TMEM132C: variants seen among roughly 807,000 people sequenced by gnomAD.
TMEM132C encodes the protein protein phosphatase 1, regulatory subunit 152.
In TMEM132C, 29 loss-of-function variants were observed where a neutral mutation model predicts 61.4. That is an observed-to-expected ratio of 0.47 (90% CI 0.35 to 0.64). TMEM132C has a LOEUF of 0.64. TMEM132C is among the 30% of genes least tolerant of loss of function. The probability of loss-of-function intolerance (pLI) is 0.00; values close to 1 mark genes in which losing one functional copy is unlikely to be tolerated. For synonymous variants in TMEM132C, 656 were observed against 633.1 expected (o/e 1.04, Z -0.54); for missense variants, 1,408 against 1,476.9 (o/e 0.95, Z 0.76).
chr12:128,313,294 A>T (rs1308813451), intron 1 of TMEM132C, among the ~76,000 whole-genome samples: 2 of 152,214 alleles, frequency 1.3e-5, no homozygotes, highest in Non-Finnish European at 2.9e-5. Context: ...GCTCATAAAG[A>T]GAGTTCCCAG....
At chr12:128,277,517 AG>A (rs1870733049) in intron 1 of TMEM132C, among the ~76,000 whole-genome samples, 1 of 152,232 alleles carries the variant, frequency 6.6e-6, no homozygotes, top group South Asian at 2.1e-4. Flanking sequence ...TGCGGACTTA[AG>A]GGAATGGGGT....
intron 2 of TMEM132C, among the ~76,000 whole-genome samples, chr12:128,463,776 C>A (rs576319538): frequency 6.6e-6 from 1 of 152,232 alleles, no homozygotes; most frequent in East Asian, 1.9e-4. Flanking sequence ...TTCTGTGCCC[C>A]ATTTGTGTGC....
intron 2 of TMEM132C, among the ~76,000 whole-genome samples, chr12:128,467,290 G>A (rs755748032): frequency 1.3e-5 from 2 of 152,142 alleles, no homozygotes; most frequent in Non-Finnish European, 2.9e-5. Flanking sequence ...TGGGAGAATG[G>A]CAGCTGCCAG....
chr12:128,360,373 T>C (rs1873664586), intron 1 of TMEM132C, among the ~76,000 whole-genome samples: 1 of 152,150 alleles, frequency 6.6e-6, no homozygotes, highest in Non-Finnish European at 1.5e-5. Flanking sequence ...AGAAATATCC[T>C]ATGACTTTGC....
intron 1 of TMEM132C, among the ~76,000 whole-genome samples, chr12:128,383,855 C>T (rs1485132233): frequency 1.3e-5 from 2 of 152,188 alleles, no homozygotes; most frequent in Non-Finnish European, 2.9e-5. Flanking sequence ...TGTAGCCACT[C>T]TCTTACTGAG....
chr12:128,608,080 C>T lies in TMEM132C; in HGVS notation c.1122-8072C>T, dbSNP rs183393316. Among the ~76,000 whole-genome samples the T allele has an allele frequency of 1.6e-3, 251 of 152,220 alleles. 1 individual carries two copies. The highest frequency in any genetic ancestry group is 6.0e-3 in the African/African-American group (248 of 41,530). Reference sequence around the variant, plus strand: ...TAAAGTCTCATCACTCACCTGGTACCGTCAGCAAATCTTAGGACACATGGC... The same window carrying T: ...TAAAGTCTCATCACTCACCTGGTACTGTCAGCAAATCTTAGGACACATGGC... On this transcript the variant is annotated intron_variant, in intron 3 of 8. Coordinates refer to ENST00000435159, the MANE Select transcript of TMEM132C (RefSeq NM_001136103.3).
At chr12:128,470,032 C>G (rs1870894759) in intron 2 of TMEM132C, among the ~76,000 whole-genome samples, 1 of 152,172 alleles carries the variant, frequency 6.6e-6, no homozygotes, top group Non-Finnish European at 1.5e-5. Context: ...TCATGACTTA[C>G]AAAAGACTTC....
intron 1 of TMEM132C, among the ~76,000 whole-genome samples, chr12:128,286,527 G>C (rs1872536): frequency 6.6e-6 from 1 of 152,054 alleles, no homozygotes; most frequent in Non-Finnish European, 1.5e-5. Context: ...TACATAAACC[G>C]GGAAATAAGG....
In TMEM132C at chr12:128,622,360, AATATATATATATATATATATATAT is replaced by A. The variant is rs767066742; in HGVS notation, c.1305+6043_1305+6066del. 4.0e-3 allele frequency among the ~76,000 whole-genome samples: 119 copies of A among 30,126 alleles called. 4 individuals carry two copies. Among genetic ancestry groups the A allele is most frequent in the African/African-American group, 0.016 (98 of 6,068 alleles). The allele number at this position is 30,126 out of a possible 152,430, so 19.8% of individuals were successfully genotyped here. On this transcript the variant is annotated intron_variant, in intron 4 of 8. Transcript: ENST00000435159. ...CTTTGTCTCAAAAAAAAAAAAAAAA[AATATATATATATATATATATATAT>A]ATATATATATATATATAACCAGGAA...
chr12:128,449,527 C>T (rs929554998), intron 2 of TMEM132C, among the ~76,000 whole-genome samples: 1 of 152,206 alleles, frequency 6.6e-6, no homozygotes, highest in Admixed American at 6.5e-5. Flanking sequence ...ATTAGGATGA[C>T]TTCTCCATTT....
chr12:128,545,169 A>G (rs1281983716), intron 3 of TMEM132C, among the ~76,000 whole-genome samples: 4 of 152,148 alleles, frequency 2.6e-5, no homozygotes, highest in Non-Finnish European at 4.4e-5. Context: ...TCCCATCTTT[A>G]TAACCACATG....
At chr12:128,380,128 T>C (rs1312776471) in intron 1 of TMEM132C, among the ~76,000 whole-genome samples, 1 of 152,248 alleles carries the variant, frequency 6.6e-6, no homozygotes, top group Non-Finnish European at 1.5e-5. Context: ...CTGATCACCG[T>C]ATTAAAACAA....
chr12:128,462,181 C>G (rs1374465133), intron 2 of TMEM132C, among the ~76,000 whole-genome samples: 1 of 152,212 alleles, frequency 6.6e-6, no homozygotes, highest in Non-Finnish European at 1.5e-5. Flanking sequence ...TCTCAGCTCA[C>G]TGCAACCTCC....
chr12:128,348,218 C>T (rs1408021771), intron 1 of TMEM132C, among the ~76,000 whole-genome samples: 1 of 152,058 alleles, frequency 6.6e-6, no homozygotes, highest in Non-Finnish European at 1.5e-5. Context: ...GAATTATTTT[C>T]TTCATTTCAT....
intron 5 of TMEM132C, among the ~76,000 whole-genome samples, chr12:128,685,088 C>T (rs1168012905): frequency 6.6e-6 from 1 of 152,146 alleles, no homozygotes; most frequent in Non-Finnish European, 1.5e-5. Context: ...TCCTGGGAAG[C>T]CTCCTAAATC....
chr12:128,469,037 C>T (rs935233040), intron 2 of TMEM132C, among the ~76,000 whole-genome samples: 2 of 152,100 alleles, frequency 1.3e-5, no homozygotes, highest in African/African-American at 4.8e-5. Context: ...TCAACACATC[C>T]CTCATAGCAA....
chr12:128,481,160 G>A (rs571945659), intron 2 of TMEM132C, among the ~76,000 whole-genome samples: 8 of 152,316 alleles, frequency 5.3e-5, no homozygotes, highest in Admixed American at 2.6e-4. Flanking sequence ...CATTGCCAGA[G>A]TCGGGCCTGT....
chr12:128,326,304 G>A lies in TMEM132C; in HGVS notation c.85+58817G>A, dbSNP rs376014736. On this transcript the variant is annotated intron_variant, in intron 1 of 8. Transcript: ENST00000435159. This position sits in a 1 kb window ranked among gnomAD's most constrained non-coding sequence, Gnocchi z 5.6. The stretch of plus-strand genomic sequence containing the variant: ...CCCCAGCCTCCCTGGGCTCTTCTCC[G>A]TGTCCGATTCTCTGGATATGAGAGT... Among the ~76,000 whole-genome samples, 18 of 152,186 alleles carry A rather than the reference G, an allele frequency of 1.2e-4. No homozygotes were observed. The South Asian group carries it at 2.1e-3, about 18-fold the overall frequency.
intron 1 of TMEM132C, among the ~76,000 whole-genome samples, chr12:128,359,245 C>T (rs1873617136): frequency 6.6e-6 from 1 of 152,166 alleles, no homozygotes; most frequent in African/African-American, 2.4e-5. Flanking sequence ...GTTTAATTGC[C>T]TCACAGTTCC....
Sources: gnomAD v4.1 joint callset for allele counts (sites outside exome capture counted in the v4.1 genomes callset) on GRCh38, gnomAD v4.1.1 for gene constraint, Gnocchi (gnomAD v3.1) non-coding constraint, MANE v1.5 for transcripts, NCBI Gene and HGNC (gene_info 2026-07-23, HGNC 2026-07-21) for gene names.